Variants in ANKRD10 observed in about 807,000 individuals in gnomAD.
ANKRD10 encodes the protein ankyrin repeat domain 10.
In ANKRD10, 14 loss-of-function variants were observed where a neutral mutation model predicts 27.0. The ratio of observed to expected loss-of-function variants is 0.52; its 90% CI spans 0.34 to 0.81. The LOEUF (loss-of-function observed/expected upper bound fraction) is 0.81. Among genes scored for constraint, ANKRD10 ranks in the 40% least tolerant of loss-of-function variants. ANKRD10 has a pLI of 0.01. For missense variants in ANKRD10, 493 were observed against 544.0 expected, an observed-to-expected ratio of 0.91 and a Z score of 0.93; for synonymous variants, 250 against 224.5, an observed-to-expected ratio of 1.11 and a Z score of -1.01.
At chr13:110,905,954 T>C (rs1247396462) in intron 3 of ANKRD10, 79 bp downstream of exon 3, 1 of 1,314,906 alleles carries the variant, frequency 7.6e-7, no homozygotes, top group Non-Finnish European at 1.0e-6. Context: ...TTAGGACTTT[T>C]GCCTGCTTAT....
At chr13:110,910,874 A>G in intron 1 of ANKRD10, 104 bp from the exon 2 acceptor site, 1 of 1,255,780 alleles carries the variant, frequency 8.0e-7, no homozygotes, top group African/African-American at 1.5e-5. Context: ...TGGCATTGTT[A>G]CCAGTTTTTT....
rs2065131566 is a variant in ANKRD10 at position 110,893,246 on chromosome 13, C to T, written c.473G>A (p.Gly158Asp). ...GAHVDLRNAS[G>D]LTAADIAQTQ... ...TTGTGCAATGTCTGCTGCTGTCAGGCCACTGGCATTTCTCAGGCTGTACAA... is the reference window on the plus strand; with the variant it reads ...TTGTGCAATGTCTGCTGCTGTCAGGTCACTGGCATTTCTCAGGCTGTACAA... Residue 158 changes from glycine to aspartate, a missense_variant, in exon 4 of 6, where the codon GGC (glycine) becomes GAC (aspartate). Gly to Asp is a moderately conservative substitution (Grantham distance 94). Transcript: ENST00000267339. The T allele has an allele frequency of 6.2e-7, 1 of 1,614,104 alleles. No homozygotes were observed.
intron 3 of ANKRD10, among the ~76,000 whole-genome samples, chr13:110,901,948 C>T (rs1426817855): frequency 6.7e-6 from 1 of 149,614 alleles, no homozygotes; most frequent in African/African-American, 2.5e-5. Context: ...GAATCTGAGG[C>T]AGGAGGATCA....
Position 110,893,799 on chromosome 13 carries a change from T to A in ANKRD10, c.456-536A>T, listed in dbSNP as rs190792467. Among the ~76,000 whole-genome samples, 19 of 152,382 alleles carry A rather than the reference T, an allele frequency of 1.2e-4. No homozygotes were observed. In the East Asian group the frequency reaches 3.5e-3, roughly 28 times the overall value. On this transcript the variant is annotated intron_variant, in intron 3 of 5. Coordinates refer to ENST00000267339, the MANE Select transcript of ANKRD10 (RefSeq NM_017664.4). ...CATTAAAAAGTAGCCTATCATCAGA[T>A]TCCAGAGCTGAACAGCTGTGTTTTT...
chr13:110,910,827 A>G, intron 1 of ANKRD10, 57 bp from the exon 2 acceptor site: 1 of 1,493,418 alleles, frequency 6.7e-7, no homozygotes, highest in Non-Finnish European at 9.0e-7. Context: ...ACTATTCAAT[A>G]TTACATGAAT....
intron 4 of ANKRD10, among the ~76,000 whole-genome samples, chr13:110,889,708 TTTTTC>T (rs1217960713): frequency 6.6e-6 from 1 of 152,196 alleles, no homozygotes; most frequent in Non-Finnish European, 1.5e-5. Flanking sequence ...GTGTTTTGGC[TTTTTC>T]TTTTTCTTTT....
intron 1 of ANKRD10, 141 bp downstream of exon 1, chr13:110,914,584 C>T (rs1016938905): frequency 1.6e-6 from 2 of 1,287,460 alleles, no homozygotes; most frequent in Admixed American, 6.5e-5. Flanking sequence ...GCGCCCTAGG[C>T]CCCTCGGGGC....
intron 3 of ANKRD10, among the ~76,000 whole-genome samples, chr13:110,901,811 T>C (rs1268553664): frequency 1.3e-5 from 2 of 152,030 alleles, no homozygotes; most frequent in African/African-American, 2.4e-5. Flanking sequence ...GAGGCCAAGG[T>C]GGAAGGACTG....
intron 3 of ANKRD10, chr13:110,903,532 G>A (rs147774607): frequency 6.5e-6 from 1 of 154,676 alleles, no homozygotes; most frequent in Non-Finnish European, 1.5e-5. Flanking sequence ...TTATCTTACA[G>A]ATGCAACCTA....
chr13:110,912,017 T>A (rs1418620747), intron 1 of ANKRD10, among the ~76,000 whole-genome samples: 4 of 152,256 alleles, frequency 2.6e-5, no homozygotes, highest in Admixed American at 2.6e-4. Context: ...AGTGGGTGAC[T>A]AACATGGCAA....
rs112197377 is a variant in ANKRD10, at chr13:110,896,321, T to C, written c.456-3058A>G. Among the ~76,000 whole-genome samples, 7 of 152,352 alleles carry C rather than the reference T, an allele frequency of 4.6e-5. 2 individuals carry two copies. Among genetic ancestry groups the C allele is most frequent in the African/African-American group, 1.7e-4 (7 of 41,580 alleles). ...GAGGTACAAGAACATTTCAATTCTA[T>C]CATTTTCCTTGTTACCAAGGGCTGA... On this transcript the variant is annotated intron_variant, in intron 3 of 5. Coordinates refer to ENST00000267339, the MANE Select transcript of ANKRD10 (RefSeq NM_017664.4).
chr13:110,896,535 C>G (rs988150561), intron 3 of ANKRD10, among the ~76,000 whole-genome samples: 1 of 152,192 alleles, frequency 6.6e-6, no homozygotes, highest in African/African-American at 2.4e-5. Context: ...AAAAATCTTG[C>G]AAGTGGTCAC....
chr13:110,907,607 A>G (rs2138883233), intron 2 of ANKRD10, among the ~76,000 whole-genome samples: 1 of 152,326 alleles, frequency 6.6e-6, no homozygotes, highest in South Asian at 2.1e-4. Flanking sequence ...TTATTTAAAC[A>G]AAGGTCTAAA....
intron 2 of ANKRD10, among the ~76,000 whole-genome samples, chr13:110,907,930 GGTCT>G (rs1191298050): frequency 1.3e-5 from 2 of 151,948 alleles, no homozygotes; most frequent in Non-Finnish European, 2.9e-5. Flanking sequence ...AAAAAGTAAG[GGTCT>G]GTCACGGTGG....
chr13:110,911,940 CATTT>C, intron 1 of ANKRD10, among the ~76,000 whole-genome samples: 1 of 152,352 alleles, frequency 6.6e-6, no homozygotes, highest in Middle Eastern at 3.4e-3. Flanking sequence ...CCATTCTCCA[CATTT>C]TTTTACTCTT....
rs752377728 is a variant in ANKRD10, at chr13:110,906,037, C to A, written c.451G>T (p.Val151Phe). The change falls in exon 3 of 6, where the codon GTC becomes TTC. Residue 151 changes from valine to phenylalanine, a missense_variant. Val to Phe is a conservative substitution (Grantham distance 50). Coordinates refer to ENST00000267339, the MANE Select transcript of ANKRD10 (RefSeq NM_017664.4). ...ISALVANGAH[V>F]DLRNASGLTA... Reference sequence around the variant, plus strand: ...GAATAAACGAAAGACACTTACTCGACGTGAGCCCCATTCGCCACAAGGGCA... The same window carrying A: ...GAATAAACGAAAGACACTTACTCGAAGTGAGCCCCATTCGCCACAAGGGCA... 3.1e-6 allele frequency: 5 copies of A among 1,594,928 alleles called. No homozygotes were observed. The highest frequency in any genetic ancestry group is 1.7e-6 in the Non-Finnish European group (2 of 1,168,720).
At chr13:110,886,571 T>G (rs181048593) in intron 4 of ANKRD10, among the ~76,000 whole-genome samples, 77 of 152,284 alleles carry the variant, frequency 5.1e-4, no homozygotes, top group Admixed American at 1.7e-3. Flanking sequence ...AGCCCGCAAT[T>G]ATCTCTTTTA....
chr13:110,906,045 C>G lies in ANKRD10; in HGVS notation c.443G>C (p.Gly148Ala). 1.3e-6 allele frequency: 2 copies of G among 1,598,228 alleles called. No homozygotes were observed. The highest frequency in any genetic ancestry group is 1.7e-6 in the Non-Finnish European group (2 of 1,170,860). Residue 148 changes from glycine to alanine, a missense_variant, in exon 3 of 6, where the codon GGG becomes GCG. Transcript: ENST00000267339. Reference sequence around the variant, plus strand: ...GAAAGACACTTACTCGACGTGAGCCCCATTCGCCACAAGGGCACTGATGCA... The same window carrying G: ...GAAAGACACTTACTCGACGTGAGCCGCATTCGCCACAAGGGCACTGATGCA... ...LECISALVANGAHVDLRNASG... is the reference protein window; with the variant it reads ...LECISALVANAAHVDLRNASG...
intron 4 of ANKRD10, among the ~76,000 whole-genome samples, chr13:110,884,318 C>T (rs1436580496): frequency 6.6e-6 from 1 of 152,134 alleles, no homozygotes; most frequent in Non-Finnish European, 1.5e-5. Context: ...AATAATTACA[C>T]CAAAATACAG....
Sources: allele counts gnomAD v4.1 joint callset (sites outside exome capture counted in the v4.1 genomes callset), GRCh38; gene constraint gnomAD v4.1.1; transcripts MANE v1.5; gene names NCBI Gene and HGNC (gene_info 2026-07-23, HGNC 2026-07-21).